Variants in KCNK2 observed in about 807,000 individuals in gnomAD.
KCNK2 encodes potassium channel subfamily K member 2.
KCNK2 carries 21 observed loss-of-function variants against 40.5 expected under a neutral mutation model. The observed-to-expected ratio is 0.52, with a 90% CI of 0.37 to 0.75. The LOEUF (loss-of-function observed/expected upper bound fraction) is 0.75, where lower values mean the gene tolerates loss of function less well. Ranked by LOEUF, KCNK2 falls within the 30% of genes least tolerant of loss-of-function variation. The pLI is 0.00. For missense variants in KCNK2, 399 were observed against 531.6 expected, an observed-to-expected ratio of 0.75 and a Z score of 2.45; for synonymous variants, 191 against 202.2, an observed-to-expected ratio of 0.94 and a Z score of 0.47.
Position 215,169,421 on chromosome 1 carries a change from C to A in KCNK2, c.636+62C>A, listed in dbSNP as rs549258823. On this transcript the variant is annotated intron_variant, in intron 4 of 6. Coordinates refer to ENST00000444842, the MANE Select transcript of KCNK2 (RefSeq NM_001017425.3). ...GTTTGATTTTTTTAAAAAATTATATCTTTTCTGTCACCTCAGATACAATTA... is the reference window on the plus strand; with the variant it reads ...GTTTGATTTTTTTAAAAAATTATATATTTTCTGTCACCTCAGATACAATTA... 9.3e-6 allele frequency: 12 copies of A among 1,297,012 alleles called. No homozygotes were observed. The African/African-American group carries it at 1.1e-4, about 11-fold the overall frequency. The allele number at this position is 1,297,012 out of a possible 1,614,324, so 80.3% of individuals were successfully genotyped here.
At chr1:215,152,335 A>G (rs140306898) in intron 3 of KCNK2, among the ~76,000 whole-genome samples, 1 of 152,174 alleles carries the variant, frequency 6.6e-6, no homozygotes, top group Non-Finnish European at 1.5e-5. Flanking sequence ...AGAGAAATGC[A>G]AAAACAGTTT....
intron 1 of KCNK2, among the ~76,000 whole-genome samples, chr1:215,029,684 ATAT>A (rs1198512303): frequency 6.7e-6 from 1 of 149,456 alleles, no homozygotes; most frequent in Non-Finnish European, 1.5e-5. Flanking sequence ...CAAAAACAGA[ATAT>A]TATTTTTAAA....
intron 6 of KCNK2, among the ~76,000 whole-genome samples, chr1:215,231,462 T>C (rs1262241048): frequency 6.6e-6 from 1 of 152,130 alleles, no homozygotes; most frequent in African/African-American, 2.4e-5. Flanking sequence ...GTGCTCGGTG[T>C]TGCTCTTTTA....
chr1:215,074,515 G>A (rs1658865712), intron 1 of KCNK2, among the ~76,000 whole-genome samples: 2 of 152,164 alleles, frequency 1.3e-5, no homozygotes, highest in African/African-American at 4.8e-5. Flanking sequence ...GTGATCTCAG[G>A]TGAAGGCAAA....
intron 3 of KCNK2, among the ~76,000 whole-genome samples, chr1:215,158,193 T>C (rs1663014840): frequency 6.6e-6 from 1 of 152,218 alleles, no homozygotes; most frequent in Non-Finnish European, 1.5e-5. Flanking sequence ...CTTAGGTCTC[T>C]CTTCTGTTGT....
intron 1 of KCNK2, among the ~76,000 whole-genome samples, chr1:215,023,552 G>A (rs1369192354): frequency 6.6e-6 from 1 of 152,176 alleles, no homozygotes; most frequent in Non-Finnish European, 1.5e-5. Flanking sequence ...ATAATCAATA[G>A]TTGAGTGCCC....
chr1:215,236,241 C>T lies in KCNK2; in HGVS notation c.*1096C>T, dbSNP rs1666890715. On this transcript the variant is annotated 3_prime_UTR_variant, in exon 7 of 7. Coordinates refer to ENST00000444842, the MANE Select transcript of KCNK2 (RefSeq NM_001017425.3). ...TTGCTAATAAACAGTATACTGCCAG[C>T]TTCTAATTGCTTTTTGATGTATGAA... 1 of 152,214 alleles carries T rather than the reference C, an allele frequency of 6.6e-6. No individual in the cohort carries two copies. The highest frequency in any genetic ancestry group is 6.6e-5 in the Admixed American group (1 of 15,264). The allele number at this position is 152,214 out of a possible 1,614,324, so 9.4% of individuals were successfully genotyped here.
chr1:215,033,971 CTA>C (rs1214047538), intron 1 of KCNK2, among the ~76,000 whole-genome samples: 2 of 152,296 alleles, frequency 1.3e-5, no homozygotes, highest in Admixed American at 6.5e-5. Context: ...CTTGTCTACA[CTA>C]TGTCTTCAGT....
intron 2 of KCNK2, among the ~76,000 whole-genome samples, chr1:215,093,778 T>A (rs12081965): frequency 4.4e-4 from 6 of 13,568 alleles, no homozygotes; most frequent in Non-Finnish European, 8.2e-4. Flanking sequence ...TAAAATATAT[T>A]ATATATTATA....
rs189755424 is a variant in KCNK2 at position 215,141,188 on chromosome 1, C to T, written c.475+16438C>T. On this transcript the variant is annotated intron_variant, in intron 3 of 6. Transcript: ENST00000444842. ...ATAACTTCTCCTAGAATATCTATTA[C>T]GGTTAACGTTTTTTCTTATAAGTAG... Among the ~76,000 whole-genome samples the T allele has an allele frequency of 2.5e-3, 384 of 152,062 alleles. 1 individual carries two copies. Among genetic ancestry groups the T allele is most frequent in the Non-Finnish European group, 3.6e-3 (247 of 67,950 alleles).
intron 1 of KCNK2, among the ~76,000 whole-genome samples, chr1:215,053,063 C>A (rs1025507270): frequency 2.0e-5 from 3 of 151,828 alleles, no homozygotes; most frequent in Admixed American, 1.3e-4. Flanking sequence ...TTTTTGGTTT[C>A]TTTTCTTTTC....
intron 2 of KCNK2, among the ~76,000 whole-genome samples, chr1:215,103,971 A>G (rs1465709500): frequency 2.6e-5 from 4 of 152,072 alleles, no homozygotes; most frequent in Non-Finnish European, 5.9e-5. Context: ...AGCTAATCTT[A>G]TATATAGGCC....
intron 6 of KCNK2, among the ~76,000 whole-genome samples, chr1:215,227,150 G>T (rs1338145700): frequency 1.3e-5 from 2 of 152,194 alleles, no homozygotes; most frequent in East Asian, 3.9e-4. Flanking sequence ...TGGGAATACT[G>T]AATAGAATAT....
chr1:215,201,329 C>T (rs1665072151), intron 6 of KCNK2, among the ~76,000 whole-genome samples: 1 of 152,062 alleles, frequency 6.6e-6, no homozygotes, highest in Non-Finnish European at 1.5e-5. Context: ...CTAGAATTCC[C>T]CATTAGGTTG....
At chr1:215,172,622 CTAAT>C (rs1440508823) in intron 5 of KCNK2, among the ~76,000 whole-genome samples, 1 of 152,068 alleles carries the variant, frequency 6.6e-6, no homozygotes, top group African/African-American at 2.4e-5. Context: ...CACATCTTAA[CTAAT>C]TACATTTACA....
chr1:215,172,021 A>G lies in KCNK2; in HGVS notation c.661A>G (p.Ile221Val). Reference protein sequence around the residue: ...FIKWNVSQTKIRIISTIIFIL... With the variant: ...FIKWNVSQTKVRIISTIIFIL... Reference sequence around the variant, plus strand: ...GAAGTGGAATGTTAGTCAGACCAAGATTCGCATCATCTCAACAATCATATT... The same window carrying G: ...GAAGTGGAATGTTAGTCAGACCAAGGTTCGCATCATCTCAACAATCATATT... The change falls in exon 5 of 7, where the codon ATT (isoleucine) becomes GTT (valine). Residue 221 changes from isoleucine (I) to valine (V), a missense_variant. By Grantham distance (29) the Ile-to-Val change is conservative. Coordinates refer to ENST00000444842, the MANE Select transcript of KCNK2 (RefSeq NM_001017425.3). 1.2e-6 allele frequency: 2 copies of G among 1,613,044 alleles called. No individual in the cohort carries two copies. The highest frequency in any genetic ancestry group is 1.7e-6 in the Non-Finnish European group (2 of 1,179,476).
intron 1 of KCNK2, among the ~76,000 whole-genome samples, chr1:215,012,623 C>T (rs1229860497): frequency 6.7e-6 from 1 of 150,000 alleles, no homozygotes; most frequent in Non-Finnish European, 1.5e-5. Context: ...TGGTGCACAC[C>T]ACCACACCCA....
chr1:215,021,810 G>A (rs1656805665), intron 1 of KCNK2, among the ~76,000 whole-genome samples: 1 of 152,066 alleles, frequency 6.6e-6, no homozygotes, highest in Non-Finnish European at 1.5e-5. Flanking sequence ...GGCCTCCCAC[G>A]CCTGCTGGGA....
intron 3 of KCNK2, among the ~76,000 whole-genome samples, chr1:215,130,272 G>GA (rs1661609755): frequency 6.6e-6 from 1 of 152,204 alleles, no homozygotes; most frequent in Non-Finnish European, 1.5e-5. Flanking sequence ...CTGGGTTGGT[G>GA]AATACTGGTG....
Sources: allele counts gnomAD v4.1 joint callset (sites outside exome capture counted in the v4.1 genomes callset), GRCh38; gene constraint gnomAD v4.1.1; transcripts MANE v1.5; gene names NCBI Gene and HGNC (gene_info 2026-07-23, HGNC 2026-07-21).